The following CERS3 variants were observed in gnomAD, a reference collection of about 807,000 sequenced individuals.
CERS3 encodes the protein ceramide synthase 3.
CERS3 carries 33 observed loss-of-function variants against 50.3 expected under a neutral mutation model. That is an observed-to-expected ratio of 0.66 (90% confidence interval 0.50 to 0.88). CERS3 has a LOEUF of 0.88. CERS3 is among the 40% of genes least tolerant of loss of function. CERS3 has a pLI of 0.00. For synonymous variants in CERS3, 176 were observed against 155.2 expected, an observed-to-expected ratio of 1.13 and a Z score of -0.99; for missense variants, 470 against 460.3, an observed-to-expected ratio of 1.02 and a Z score of -0.19.
At chr15:100,438,772 T>C (rs2654598) in intron 11 of CERS3, among the ~76,000 whole-genome samples, 143,927 of 152,338 alleles carry the variant, frequency 0.94, 68,547 homozygotes, top group East Asian at 1. Context: ...TGCTGGCTTT[T>C]GTGTCTGCAT....
chr15:100,525,705 T>G (rs1254017154), intron 1 of CERS3, among the ~76,000 whole-genome samples: 1 of 152,232 alleles, frequency 6.6e-6, no homozygotes, highest in Non-Finnish European at 1.5e-5. Flanking sequence ...TTTATTTATT[T>G]TAATTAGACT....
chr15:100,420,252 A>C (rs12806474), intron 11 of CERS3, among the ~76,000 whole-genome samples: 1 of 143,316 alleles, frequency 7.0e-6, no homozygotes, highest in South Asian at 2.4e-4. Context: ...AGGGGATATC[A>C]CCACCGATCC....
At chr15:100,434,887 C>T (rs540986267) in intron 11 of CERS3, among the ~76,000 whole-genome samples, 7 of 152,198 alleles carry the variant, frequency 4.6e-5, no homozygotes, top group African/African-American at 1.4e-4. Flanking sequence ...AAATTCATTT[C>T]GTTTTGGGAA....
rs1339837707 is a variant in CERS3, at chr15:100,401,989, G to A, written c.*724C>T. Reference sequence around the variant, plus strand: ...CCTTTCTTGGCACTTTCATTTCCAGGTATCTCCAGAGTCATTTAAGAGGAA... The same window carrying A: ...CCTTTCTTGGCACTTTCATTTCCAGATATCTCCAGAGTCATTTAAGAGGAA... On this transcript the variant is annotated 3_prime_UTR_variant, in exon 12 of 12. Coordinates refer to ENST00000679737, the MANE Select transcript of CERS3 (RefSeq NM_001378789.1). 6.6e-6 allele frequency: 1 copy of A among 152,190 alleles called. No homozygotes were observed. The highest frequency in any genetic ancestry group is 1.5e-5 in the Non-Finnish European group (1 of 68,052). 9.4% of individuals were successfully genotyped at this position (152,190 alleles called of 1,614,324 possible). A position where few individuals can be genotyped will look rare whatever the true frequency, so the allele number is the denominator to read the frequency against.
At chr15:100,455,828 C>A (rs569202617) in intron 11 of CERS3, 65 bp downstream of exon 11, 2 of 942,838 alleles carry the variant, frequency 2.1e-6, no homozygotes, top group Non-Finnish European at 3.0e-6. Flanking sequence ...GAACATTCAA[C>A]AGTCCGGGCC....
intron 11 of CERS3, among the ~76,000 whole-genome samples, chr15:100,455,609 C>G (rs75461506): frequency 6.6e-6 from 1 of 152,042 alleles, no homozygotes; most frequent in Non-Finnish European, 1.5e-5. Flanking sequence ...AAATTTTCTT[C>G]AAGCATAAAA....
At chr15:100,482,657 TAG>T (rs1366839187) in intron 5 of CERS3, among the ~76,000 whole-genome samples, 1 of 152,052 alleles carries the variant, frequency 6.6e-6, no homozygotes, top group Non-Finnish European at 1.5e-5. Flanking sequence ...TGCTGTGGAA[TAG>T]AGCACAAGGG....
chr15:100,524,796 T>C (rs2036740172), intron 1 of CERS3, among the ~76,000 whole-genome samples: 1 of 152,230 alleles, frequency 6.6e-6, no homozygotes, highest in South Asian at 2.1e-4. Context: ...AATTTTGAAA[T>C]GATTAGTTTA....
At chr15:100,451,346 T>C (rs1337166176) in intron 11 of CERS3, among the ~76,000 whole-genome samples, 4 of 152,164 alleles carry the variant, frequency 2.6e-5, no homozygotes, top group African/African-American at 9.7e-5. Context: ...ATAGACTAGC[T>C]GAATGGATTT....
intron 11 of CERS3, among the ~76,000 whole-genome samples, chr15:100,446,131 C>T (rs537740755): frequency 1.3e-5 from 2 of 152,274 alleles, no homozygotes; most frequent in South Asian, 2.1e-4. Context: ...CCGCCTGCAC[C>T]CAGGTGCAAT....
chr15:100,526,478 CTGTGTGTG>C (rs1217852084), intron 1 of CERS3, among the ~76,000 whole-genome samples: 5 of 131,458 alleles, frequency 3.8e-5, no homozygotes, highest in East Asian at 2.2e-4. Context: ...CCTACATAAA[CTGTGTGTG>C]TGTGTGTGTG....
chr15:100,467,664 T>C (rs544751554), intron 10 of CERS3, among the ~76,000 whole-genome samples: 1 of 151,442 alleles, frequency 6.6e-6, no homozygotes, highest in Non-Finnish European at 1.5e-5. Flanking sequence ...GCTGGATTGA[T>C]AGTGTCATGA....
chr15:100,446,135 G>A (rs1326173668), intron 11 of CERS3, among the ~76,000 whole-genome samples: 1 of 152,196 alleles, frequency 6.6e-6, no homozygotes, highest in Non-Finnish European at 1.5e-5. Flanking sequence ...CTGCACCCAG[G>A]TGCAATAAAC....
chr15:100,504,220 G>A (rs2142337577), intron 2 of CERS3, among the ~76,000 whole-genome samples: 1 of 149,618 alleles, frequency 6.7e-6, no homozygotes, highest in Admixed American at 6.7e-5. Flanking sequence ...GAGAAAGGCT[G>A]CCTTTTCCTT....
At chr15:100,474,992 G>C (rs774747687) in intron 8 of CERS3, among the ~76,000 whole-genome samples, 1 of 152,176 alleles carries the variant, frequency 6.6e-6, no homozygotes, top group Middle Eastern at 3.4e-3. Flanking sequence ...CAATGCACCC[G>C]TAAATGATAA....
At chr15:100,466,419 C>A (rs549504409) in intron 10 of CERS3, among the ~76,000 whole-genome samples, 4 of 152,146 alleles carry the variant, frequency 2.6e-5, no homozygotes, top group African/African-American at 9.7e-5. Flanking sequence ...GCAAATTCTT[C>A]GAAACTGCTC....
chr15:100,488,398 T>A (rs563028161), intron 4 of CERS3, among the ~76,000 whole-genome samples: 1 of 152,330 alleles, frequency 6.6e-6, no homozygotes, highest in South Asian at 2.1e-4. Context: ...TTTTTAGTGG[T>A]AATACCCTAA....
chr15:100,429,083 G>A (rs1480926497), intron 11 of CERS3, among the ~76,000 whole-genome samples: 1 of 152,226 alleles, frequency 6.6e-6, no homozygotes, highest in Non-Finnish European at 1.5e-5. Context: ...ATCAGATAAT[G>A]AATTTCACAG....
Position 100,402,529 on chromosome 15 carries a change from G to T in CERS3, c.*184C>A. On this transcript the variant is annotated 3_prime_UTR_variant, in exon 12 of 12. Coordinates refer to ENST00000679737, the MANE Select transcript of CERS3 (RefSeq NM_001378789.1). ...TCCTAACTGCAGTAAAAATCCATGG[G>T]CATGCTTATATTTAACATTTTAACA... 2 of 596,614 alleles carry T rather than the reference G, an allele frequency of 3.4e-6. No individual in the cohort carries two copies. Among genetic ancestry groups the T allele is most frequent in the Non-Finnish European group, 2.9e-6 (1 of 342,982 alleles). The allele number at this position is 596,614 out of a possible 1,614,324, so 37.0% of individuals were successfully genotyped here.
Sources: allele counts gnomAD v4.1 joint callset (sites outside exome capture counted in the v4.1 genomes callset), GRCh38; gene constraint gnomAD v4.1.1; transcripts MANE v1.5; gene names NCBI Gene and HGNC (gene_info 2026-07-23, HGNC 2026-07-21).